The following GRK3 variants were observed in gnomAD, a reference collection of about 807,000 sequenced individuals.
GRK3 encodes G protein-coupled receptor kinase 3, also known as adrenergic, beta, receptor kinase 2.
GRK3 carries 54 observed loss-of-function variants against 95.7 expected under a neutral mutation model. The observed-to-expected ratio is 0.56, with a 90% CI of 0.45 to 0.71. The LOEUF (loss-of-function observed/expected upper bound fraction) is 0.71. Among genes scored for constraint, GRK3 ranks in the 30% least tolerant of loss-of-function variants. The probability of loss-of-function intolerance (pLI) is 0.00; values close to 1 mark genes in which losing one functional copy is unlikely to be tolerated. For missense variants in GRK3, 649 were observed against 851.2 expected, an observed-to-expected ratio of 0.76 and a Z score of 2.96; for synonymous variants, 281 against 290.8, an observed-to-expected ratio of 0.97 and a Z score of 0.34.
chr22:25,704,963 T>C (rs1406071420), intron 15 of GRK3, among the ~76,000 whole-genome samples: 2 of 152,174 alleles, frequency 1.3e-5, no homozygotes, highest in African/African-American at 4.8e-5. Context: ...GACAGACCTT[T>C]TTCCTGTATC....
Position 25,709,921 on chromosome 22 carries a change from G to A in GRK3, c.1352G>A (p.Ser451Asn), listed in dbSNP as rs753174693. Reference sequence around the variant, plus strand: ...AGCTCACAGGAAGTAAAAGAGCACAGCTTTTTCAAAGGTGTTGACTGGCAG... The same window carrying A: ...AGCTCACAGGAAGTAAAAGAGCACAACTTTTTCAAAGGTGTTGACTGGCAG... ...GGGSQEVKEH[S>N]FFKGVDWQHV... is the part of the protein sequence containing the mutation. Residue 451 changes from serine (S) to asparagine (N), a missense_variant, in exon 16 of 21, where the codon AGC becomes AAC. Physicochemically the swap from Ser to Asn is conservative, Grantham distance 46. Transcript: ENST00000324198. 4 of 1,613,906 alleles carry A rather than the reference G, an allele frequency of 2.5e-6. No homozygotes were observed. The highest frequency in any genetic ancestry group is 3.4e-6 in the Non-Finnish European group (4 of 1,179,810).
At chr22:25,634,970 C>T (rs1024189362) in intron 2 of GRK3, among the ~76,000 whole-genome samples, 1 of 152,130 alleles carries the variant, frequency 6.6e-6, no homozygotes, top group Non-Finnish European at 1.5e-5. Flanking sequence ...ACTTCAAACT[C>T]AGAAAAGTCG....
At chr22:25,565,635 G>T (rs1051405907) in intron 1 of GRK3, among the ~76,000 whole-genome samples, 13 of 152,190 alleles carry the variant, frequency 8.5e-5, no homozygotes, top group African/African-American at 3.1e-4. Flanking sequence ...CCTCTGGGCC[G>T]CTTACCTGGG....
intron 2 of GRK3, 47 bp from the exon 3 acceptor site, chr22:25,644,545 A>G: frequency 1.1e-6 from 1 of 950,234 alleles, no homozygotes; most frequent in Non-Finnish European, 1.6e-6. Flanking sequence ...GTGGGATAAA[A>G]TTTCAATTAA....
intron 1 of GRK3, among the ~76,000 whole-genome samples, chr22:25,594,616 C>T (rs1482126864): frequency 2.0e-5 from 3 of 152,136 alleles, no homozygotes; most frequent in East Asian, 1.9e-4. Context: ...CAGTGGCTCA[C>T]GCTTGTAATC....
At chr22:25,625,154 G>A (rs530035008) in intron 2 of GRK3, among the ~76,000 whole-genome samples, 1 of 152,242 alleles carries the variant, frequency 6.6e-6, no homozygotes, top group East Asian at 1.9e-4. Flanking sequence ...CAGGCACCGA[G>A]GCAAGAGACC....
intron 2 of GRK3, among the ~76,000 whole-genome samples, chr22:25,640,289 G>T (rs556215431): frequency 3.9e-5 from 6 of 152,276 alleles, no homozygotes; most frequent in South Asian, 2.1e-4. Flanking sequence ...CATTCTGTCT[G>T]AAATACATCT....
chr22:25,698,353 G>C (rs1054569640), intron 13 of GRK3, among the ~76,000 whole-genome samples: 7 of 152,192 alleles, frequency 4.6e-5, no homozygotes, highest in African/African-American at 1.7e-4. Flanking sequence ...CAGTCTAGGA[G>C]AGTAGCTATT....
rs76487900 is a variant in GRK3 at position 25,683,425 on chromosome 22, A to G, written c.748-1745A>G. ...CACTATGTCAGAAAGCTTGCAAGTG[A>G]CACTCAGCCTTGGTAGATATCACCA... On this transcript the variant is annotated intron_variant, in intron 9 of 20. Transcript: ENST00000324198. Among the ~76,000 whole-genome samples, 1,333 of 152,330 alleles carry G rather than the reference A, an allele frequency of 8.8e-3. 21 individuals carry two copies. Among genetic ancestry groups the G allele is most frequent in the African/African-American group, 0.03 (1,248 of 41,566 alleles).
rs113528632 is a variant in GRK3, at chr22:25,687,130, T to G, written c.827-407T>G. ...CCACTGTGCCCAGCCTAGTTTTTTT[T>G]TTTGTTTGTTTTTTTGTTTTTTTTT... On this transcript the variant is annotated intron_variant, in intron 10 of 20. Coordinates refer to ENST00000324198, the MANE Select transcript of GRK3 (RefSeq NM_005160.4). 1.2e-3 allele frequency among the ~76,000 whole-genome samples: 177 copies of G among 152,194 alleles called. 1 individual carries two copies. The East Asian group carries it at 0.013, about 11-fold the overall frequency.
rs1475605258 is a variant in GRK3 at position 25,726,227 on chromosome 22, G to A, written c.*3777G>A. ...TTCTCTGCTTTTTAAAATTTCACTC[G>A]GAATTTGTAGCTGGGCCAATTCAAC... On this transcript the variant is annotated 3_prime_UTR_variant, in exon 21 of 21. Coordinates refer to ENST00000324198, the MANE Select transcript of GRK3 (RefSeq NM_005160.4). The A allele has an allele frequency of 6.6e-6, 1 of 152,058 alleles. No individual in the cohort carries two copies. The highest frequency in any genetic ancestry group is 1.5e-5 in the Non-Finnish European group (1 of 68,014). 9.4% of individuals were successfully genotyped at this position (152,058 alleles called of 1,614,324 possible).
chr22:25,667,930 C>G lies in GRK3; in HGVS notation c.503+130C>G, dbSNP rs905364265. The G allele has an allele frequency of 8.4e-6, 5 of 593,510 alleles. No homozygotes were observed. The African/African-American group carries it at 9.3e-5, about 11-fold the overall frequency. The allele number at this position is 593,510 out of a possible 1,614,324, so 36.8% of individuals were successfully genotyped here. ...GTATTCACTGACCATGTACGATGTG[C>G]CAGGCTTTGTGTTAAACTGTTTCCT... On this transcript the variant is annotated intron_variant, in intron 6 of 20. Coordinates refer to ENST00000324198, the MANE Select transcript of GRK3 (RefSeq NM_005160.4).
chr22:25,665,198 A>G (rs1312058910), intron 5 of GRK3, among the ~76,000 whole-genome samples: 1 of 152,240 alleles, frequency 6.6e-6, no homozygotes, highest in Non-Finnish European at 1.5e-5. Context: ...AGGCCCGCCT[A>G]TCACTGTGCT....
chr22:25,637,018 G>A (rs2084706964), intron 2 of GRK3, among the ~76,000 whole-genome samples: 1 of 152,168 alleles, frequency 6.6e-6, no homozygotes, highest in Non-Finnish European at 1.5e-5. Context: ...AGGGATATGG[G>A]TGGCTATTGC....
At chr22:25,704,369 A>T (rs1347489150) in intron 15 of GRK3, among the ~76,000 whole-genome samples, 160 bp downstream of exon 15, 1 of 152,192 alleles carries the variant, frequency 6.6e-6, no homozygotes, top group African/African-American at 2.4e-5. Context: ...ATATTGTCCT[A>T]TGTGTTTTAT....
chr22:25,581,540 G>GGCT (rs1932100296), intron 1 of GRK3, among the ~76,000 whole-genome samples: 1 of 152,250 alleles, frequency 6.6e-6, no homozygotes. Flanking sequence ...ACAAAGATGC[G>GGCT]GGTAGAGTTT....
At chr22:25,577,850 C>G (rs1368320959) in intron 1 of GRK3, among the ~76,000 whole-genome samples, 2 of 152,018 alleles carry the variant, frequency 1.3e-5, no homozygotes, top group Non-Finnish European at 2.9e-5. Context: ...AGATAGACAC[C>G]TAGAAATAAG....
intron 9 of GRK3, 147 bp from the exon 10 acceptor site, chr22:25,685,023 C>G: frequency 1.7e-6 from 1 of 586,900 alleles, no homozygotes; most frequent in South Asian, 2.2e-5. Flanking sequence ...GTCAAAACAT[C>G]AAACTGTACA....
At chr22:25,675,438 A>T (rs1417143901) in intron 8 of GRK3, among the ~76,000 whole-genome samples, 1 of 152,134 alleles carries the variant, frequency 6.6e-6, no homozygotes, top group East Asian at 1.9e-4. Context: ...GAATGGTGGA[A>T]TTCTTAAGTG....
Sources: allele counts gnomAD v4.1 joint callset (sites outside exome capture counted in the v4.1 genomes callset), GRCh38; gene constraint gnomAD v4.1.1; transcripts MANE v1.5; gene names NCBI Gene and HGNC (gene_info 2026-07-23, HGNC 2026-07-21).